CEMIP: variants seen among roughly 807,000 people sequenced by gnomAD.
CEMIP encodes cell migration inducing hyaluronidase 1.
Under a neutral mutation model 156.9 loss-of-function variants are expected in CEMIP, and 105 were observed. That is an observed-to-expected ratio of 0.67 (90% CI 0.57 to 0.79). CEMIP has a LOEUF of 0.79. CEMIP is among the 30% of genes least tolerant of loss of function. The pLI is 0.00. For synonymous variants in CEMIP, 676 were observed against 668.4 expected (o/e 1.01, Z -0.17); for missense variants, 1,457 against 1,769.4 (o/e 0.82, Z 3.17).
chr15:80,944,106 C>T (rs1171314103), intron 28 of CEMIP, among the ~76,000 whole-genome samples: 4 of 152,050 alleles, frequency 2.6e-5, no homozygotes, highest in Non-Finnish European at 5.9e-5. Context: ...GGTGAAACCC[C>T]ATCTCTACTA....
intron 4 of CEMIP, 21 bp from the exon 5 acceptor site, chr15:80,879,695 C>T (rs1175035946): frequency 6.2e-7 from 1 of 1,613,982 alleles, no homozygotes; most frequent in Non-Finnish European, 8.5e-7. Flanking sequence ...ATTAAACCTC[C>T]CCCCAATGCT....
At chr15:80,818,663 C>T (rs28594184) in intron 1 of CEMIP, among the ~76,000 whole-genome samples, 48,642 of 152,086 alleles carry the variant, frequency 0.32, 7,783 homozygotes, top group South Asian at 0.39. Context: ...CAGTGCACCA[C>T]TTACTAGCTA....
chr15:80,935,293 T>A (rs1017730328), intron 23 of CEMIP, among the ~76,000 whole-genome samples: 1 of 152,192 alleles, frequency 6.6e-6, no homozygotes, highest in Non-Finnish European at 1.5e-5. Flanking sequence ...AAGCCTGGCA[T>A]CCACACTGTC....
rs751367288 is a variant in CEMIP at position 80,884,309 on chromosome 15, C to T, written c.752C>T (p.Ala251Val). 5.0e-6 allele frequency: 8 copies of T among 1,614,058 alleles called. No individual in the cohort carries two copies. The African/African-American group carries it at 6.7e-5, about 13-fold the overall frequency. ...SRNLDDMARK[A>V]MTKLGSKHFL... ...AATCTGGATGACATGGCCAGGAAGG[C>T]GATGACCAAATTGGGAAGCAAACAC... Residue 251 changes from alanine (A) to valine (V), a missense_variant, in exon 7 of 30, where the codon GCG (alanine) becomes GTG (valine). By Grantham distance (64) the Ala-to-Val change is moderately conservative. Around this residue, in one of 5 missense-constraint regions of CEMIP, gnomAD observed 309 missense variants for 340.8 expected, o/e 0.91. Transcript: ENST00000394685.
intron 19 of CEMIP, among the ~76,000 whole-genome samples, chr15:80,926,819 T>TCGGG (rs1555436824): frequency 4.3e-5 from 1 of 23,302 alleles, no homozygotes; most frequent in Admixed American, 6.3e-4. Context: ...ACTGAGCGGG[T>TCGGG]GGGGGGGGGG....
intron 14 of CEMIP, among the ~76,000 whole-genome samples, chr15:80,913,807 C>T (rs1397650909): frequency 6.6e-6 from 1 of 152,228 alleles, no homozygotes; most frequent in African/African-American, 2.4e-5. Flanking sequence ...GCAAACACAG[C>T]ATACATGCCT....
chr15:80,909,707 G>A (rs1420083948), intron 14 of CEMIP: 7 of 442,032 alleles, frequency 1.6e-5, no homozygotes, highest in Admixed American at 2.4e-5. Context: ...TGACAACAAT[G>A]GGCTTTTTTT....
rs999146905 is a variant in CEMIP, at chr15:80,801,815, G to A, written c.-176+22201G>A. Among the ~76,000 whole-genome samples the A allele has an allele frequency of 6.1e-5, 9 of 147,500 alleles. No homozygotes were observed. In the East Asian group the frequency reaches 1.5e-3, roughly 25 times the overall value. On this transcript the variant is annotated intron_variant, in intron 1 of 29. Transcript: ENST00000394685. ...AACTGAAAATATTTGAAATATGTTT[G>A]CATCTGCACTGAACATGTACAGACT...
At chr15:80,797,494 A>G (rs547489253) in intron 1 of CEMIP, among the ~76,000 whole-genome samples, 2 of 152,312 alleles carry the variant, frequency 1.3e-5, no homozygotes, top group South Asian at 4.1e-4. Flanking sequence ...CACACTGTTC[A>G]CCAACATCCA....
chr15:80,876,567 G>A (rs74030628), intron 3 of CEMIP, among the ~76,000 whole-genome samples: 1,817 of 152,364 alleles, frequency 0.012, 42 homozygotes, highest in African/African-American at 0.041. Context: ...AGGGCTGACA[G>A]CAAGGCAGAG....
rs773395877 is a variant in CEMIP, at chr15:80,932,083, G to T, written c.2793+44G>T. The T allele has an allele frequency of 1.6e-5, 26 of 1,602,592 alleles. 1 individual carries two copies. In the South Asian group the frequency reaches 2.9e-4, roughly 18 times the overall value. ...CAGACTCCCGGCAAACCCAGACTTTGGATGGTGATTCACAAGTCCCCTGGG... is the reference window on the plus strand; with the variant it reads ...CAGACTCCCGGCAAACCCAGACTTTTGATGGTGATTCACAAGTCCCCTGGG... On this transcript the variant is annotated intron_variant, in intron 22 of 29. Coordinates refer to ENST00000394685, the MANE Select transcript of CEMIP (RefSeq NM_001293298.2). The surrounding 1 kb of genome is among the most constrained non-coding windows in gnomAD (Gnocchi z 4.5).
chr15:80,786,839 C>T (rs758475779), intron 1 of CEMIP, among the ~76,000 whole-genome samples: 6 of 152,106 alleles, frequency 3.9e-5, no homozygotes, highest in Non-Finnish European at 7.3e-5. Context: ...CTTGTTAAAC[C>T]TCCCAATATT....
chr15:80,941,081 G>A (rs1024409092), intron 25 of CEMIP, among the ~76,000 whole-genome samples: 1 of 152,166 alleles, frequency 6.6e-6, no homozygotes, highest in Non-Finnish European at 1.5e-5. Flanking sequence ...CTGAGCAGCT[G>A]TGTGGTAGGG....
At chr15:80,893,547 C>T (rs1899108631) in intron 10 of CEMIP, among the ~76,000 whole-genome samples, 1 of 152,188 alleles carries the variant, frequency 6.6e-6, no homozygotes, top group African/African-American at 2.4e-5. Context: ...ATGCTACCCT[C>T]AGGGGAAAAC....
chr15:80,933,120 G>A lies in CEMIP; in HGVS notation c.2794-125G>A, dbSNP rs376882491. The A allele has an allele frequency of 2.9e-5, 24 of 836,428 alleles. No individual in the cohort carries two copies. In the East Asian group the frequency reaches 5.0e-4, roughly 18 times the overall value. The allele number at this position is 836,428 out of a possible 1,614,324, so 51.8% of individuals were successfully genotyped here. ...AGCCACGTGGTTTCTCTCAGTGCCC[G>A]AGAGCATCTTTGTTTTGGCTGGCTT... is the stretch of plus-strand genomic sequence containing the variant. On this transcript the variant is annotated intron_variant, in intron 22 of 29. Coordinates refer to ENST00000394685, the MANE Select transcript of CEMIP (RefSeq NM_001293298.2).
At chr15:80,784,810 G>T (rs544090385) in intron 1 of CEMIP, among the ~76,000 whole-genome samples, 1 of 152,282 alleles carries the variant, frequency 6.6e-6, no homozygotes, top group East Asian at 1.9e-4. Context: ...CCCAGGTGAC[G>T]CTGCTGGTGC....
rs1382501526 is a variant in CEMIP, at chr15:80,944,901, A to G, written c.3857+1799A>G. Among the ~76,000 whole-genome samples the G allele has an allele frequency of 2.0e-5, 3 of 152,176 alleles. 1 individual carries two copies. Among genetic ancestry groups the G allele is most frequent in the Admixed American group, 2.0e-4 (3 of 15,280 alleles). ...CGAGCAGCAGCACCTCTCTGGGGGA[A>G]GCCCTTACTGGAATGGGCCACTCCC... On this transcript the variant is annotated intron_variant, in intron 28 of 29. Coordinates refer to ENST00000394685, the MANE Select transcript of CEMIP (RefSeq NM_001293298.2).
chr15:80,868,939 T>C (rs1386832845), intron 1 of CEMIP, among the ~76,000 whole-genome samples: 2 of 152,206 alleles, frequency 1.3e-5, no homozygotes, highest in Non-Finnish European at 2.9e-5. Context: ...TGTGTTAGTT[T>C]GCTAGGGCTG....
chr15:80,897,710 C>T (rs1899292669), intron 12 of CEMIP, among the ~76,000 whole-genome samples: 1 of 151,980 alleles, frequency 6.6e-6, no homozygotes, highest in African/African-American at 2.4e-5. Flanking sequence ...AAACACAAGT[C>T]CAAGTAAATC....
Sources: allele counts gnomAD v4.1 joint callset (sites outside exome capture counted in the v4.1 genomes callset), GRCh38; gene constraint gnomAD v4.1.1; regional missense constraint gnomAD v4.1.1; non-coding constraint Gnocchi (gnomAD v3.1); transcripts MANE v1.5; gene names NCBI Gene and HGNC (gene_info 2026-07-23, HGNC 2026-07-21).